Variants in SCN2A observed in about 807,000 individuals in gnomAD.
SCN2A encodes the protein sodium channel protein type 2 subunit alpha.
In SCN2A, 20 loss-of-function variants were observed where a neutral mutation model predicts 188.7. The ratio of observed to expected loss-of-function variants is 0.11; its 90% CI spans 0.07 to 0.15. The LOEUF is 0.15. Among genes scored for constraint, SCN2A ranks in the 10% least tolerant of loss-of-function variants. The pLI is 1.00. For missense variants in SCN2A, 1,278 were observed against 2,445.0 expected (o/e 0.52, Z 10.07); for synonymous variants, 804 against 833.1 (o/e 0.97, Z 0.60).
At chr2:165,339,380 C>A (rs970978498) in intron 14 of SCN2A, among the ~76,000 whole-genome samples, 1 of 151,650 alleles carries the variant, frequency 6.6e-6, no homozygotes, top group Non-Finnish European at 1.5e-5. Context: ...TTTTATTTGA[C>A]CTTGCACTGG....
rs139507841 is a variant in SCN2A, at chr2:165,373,329, C to A, written c.3954C>A (p.Ser1318=). 6.1e-5 allele frequency: 99 copies of A among 1,613,032 alleles called. 1 individual carries two copies. Among genetic ancestry groups the A allele is most frequent in the Non-Finnish European group, 8.1e-5 (96 of 1,179,412 alleles). Reference sequence around the variant, plus strand: ...CTCTGAGGCCACTGAGAGCTTTGTCCCGGTTTGAAGGAATGAGGGTAAGAC... The same window carrying A: ...CTCTGAGGCCACTGAGAGCTTTGTCACGGTTTGAAGGAATGAGGGTAAGAC... The part of the protein sequence containing the change: ...LRALRPLRAL[S]RFEGMRVVVN... The change falls in exon 21 of 27, where the codon TCC becomes TCA. Residue 1318 remains serine (S), a synonymous_variant. Coordinates refer to ENST00000375437, the MANE Select transcript of SCN2A (RefSeq NM_001040142.2).
intron 11 of SCN2A, among the ~76,000 whole-genome samples, chr2:165,319,632 C>A (rs1574582625): frequency 6.6e-6 from 1 of 152,032 alleles, no homozygotes; most frequent in African/African-American, 2.4e-5. Flanking sequence ...TGGCAGAAAG[C>A]AAAGAGGAGC....
chr2:165,373,159 GC>G (rs1701133122), intron 20 of SCN2A, 65 bp from the exon 21 acceptor site: 1 of 1,552,468 alleles, frequency 6.4e-7, no homozygotes, highest in Admixed American at 1.7e-5. Context: ...ATTGCATAGA[GC>G]AAGGCTGAAC....
At chr2:165,381,260 A>G in intron 25 of SCN2A, 63 bp downstream of exon 25, 2 of 1,196,300 alleles carry the variant, frequency 1.7e-6, no homozygotes, top group Non-Finnish European at 2.4e-6. Context: ...CACAGCCCGA[A>G]TTTCTAGAAA....
chr2:165,350,331 A>T (rs942395505), intron 16 of SCN2A, among the ~76,000 whole-genome samples: 60 of 152,220 alleles, frequency 3.9e-4, no homozygotes, highest in Non-Finnish European at 8.2e-4. Context: ...AATGGAAATT[A>T]TGGTAACATT....
intron 3 of SCN2A, among the ~76,000 whole-genome samples, chr2:165,300,980 A>G (rs899606896): frequency 6.6e-5 from 10 of 152,184 alleles, no homozygotes; most frequent in African/African-American, 2.2e-4. Flanking sequence ...TGGTGGAAAC[A>G]ATGAGGATGG....
Position 165,275,553 on chromosome 2 carries a change from T to C in SCN2A, c.-51-20220T>C, listed in dbSNP as rs1378429947. Among the ~76,000 whole-genome samples the C allele has an allele frequency of 7.2e-5, 11 of 152,290 alleles. No homozygotes were observed. In the East Asian group the frequency reaches 2.1e-3, roughly 29 times the overall value. On this transcript the variant is annotated intron_variant, in intron 1 of 26. Coordinates refer to ENST00000375437, the MANE Select transcript of SCN2A (RefSeq NM_001040142.2). ...CATCTGGAAGAAGACTGGCCCTTAG[T>C]AGACATTTCAAAATTTTTGTTAAAT...
chr2:165,336,490 A>G (rs1034318119), intron 14 of SCN2A, among the ~76,000 whole-genome samples: 3 of 151,970 alleles, frequency 2.0e-5, no homozygotes, highest in Non-Finnish European at 4.4e-5. Context: ...CAAAATTTAC[A>G]TATCATATTG....
At chr2:165,312,832 TGA>T (rs1697515377) in intron 8 of SCN2A, among the ~76,000 whole-genome samples, 2 of 152,180 alleles carry the variant, frequency 1.3e-5, no homozygotes, top group Admixed American at 6.6e-5. Flanking sequence ...CTTTGGACGA[TGA>T]TACTGTGGAC....
chr2:165,307,185 CT>C (rs1338383721), intron 3 of SCN2A, among the ~76,000 whole-genome samples: 4 of 152,104 alleles, frequency 2.6e-5, no homozygotes, highest in Non-Finnish European at 5.9e-5. Flanking sequence ...TTGAAGGAGA[CT>C]TACATATTTT....
chr2:165,326,416 T>C (rs1255566857), intron 12 of SCN2A, among the ~76,000 whole-genome samples: 1 of 152,230 alleles, frequency 6.6e-6, no homozygotes, highest in African/African-American at 2.4e-5. Context: ...GAACTGTTAC[T>C]GATGCATATG....
At chr2:165,375,194 A>C (rs1368479766) in intron 22 of SCN2A, among the ~76,000 whole-genome samples, 1 of 152,072 alleles carries the variant, frequency 6.6e-6, no homozygotes, top group Non-Finnish European at 1.5e-5. Flanking sequence ...CAAAAAACTA[A>C]AAATAGAACC....
chr2:165,331,400 C>T lies in SCN2A; in HGVS notation c.2220C>T (p.Asp740=). 1.2e-6 allele frequency: 2 copies of T among 1,613,738 alleles called. No individual in the cohort carries two copies. Among genetic ancestry groups the T allele is most frequent in the Non-Finnish European group, 1.7e-6 (2 of 1,179,764 alleles). Residue 740 remains aspartate (D), a synonymous_variant, in exon 14 of 27, where the codon GAC becomes GAT. Coordinates refer to ENST00000375437, the MANE Select transcript of SCN2A (RefSeq NM_001040142.2). ...YKFANMCLIW[D]CCKPWLKVKH... Reference sequence around the variant, plus strand: ...TTGCTAATATGTGTTTGATTTGGGACTGTTGTAAACCATGGTTAAAGGTGA... The same window carrying T: ...TTGCTAATATGTGTTTGATTTGGGATTGTTGTAAACCATGGTTAAAGGTGA...
At chr2:165,310,253 A>G in intron 6 of SCN2A, 70 bp from the exon 7 acceptor site, 5 of 1,481,286 alleles carry the variant, frequency 3.4e-6, no homozygotes, top group Non-Finnish European at 4.7e-6. Flanking sequence ...GGACAAGCTC[A>G]TGATATTTTT....
chr2:165,378,367 G>A (rs541837845), intron 23 of SCN2A, among the ~76,000 whole-genome samples: 1 of 151,220 alleles, frequency 6.6e-6, no homozygotes, highest in East Asian at 1.9e-4. Context: ...AAACAGAGAG[G>A]GAGCAAGAAA....
intron 11 of SCN2A, among the ~76,000 whole-genome samples, chr2:165,322,585 T>A (rs750591453): frequency 2.6e-5 from 4 of 152,196 alleles, no homozygotes; most frequent in Non-Finnish European, 4.4e-5. Flanking sequence ...AATTTATTCA[T>A]GAAGACCATC....
intron 21 of SCN2A, 130 bp downstream of exon 21, chr2:165,373,477 A>G (rs896787870): frequency 5.7e-5 from 59 of 1,036,722 alleles, no homozygotes; most frequent in Non-Finnish European, 7.9e-5. Context: ...TAATCAATCA[A>G]AAATAATATT....
At chr2:165,387,052 A>G (rs1701912092) in intron 26 of SCN2A, 36 bp downstream of exon 26, 1 of 1,598,776 alleles carries the variant, frequency 6.3e-7, no homozygotes, top group African/African-American at 1.3e-5. Context: ...TAAGGAATAT[A>G]GTGGTAAAAA....
chr2:165,355,013 T>C (rs1483941024), intron 17 of SCN2A, among the ~76,000 whole-genome samples: 4 of 152,230 alleles, frequency 2.6e-5, no homozygotes, highest in African/African-American at 9.6e-5. Context: ...ACAGTGTTTT[T>C]TGTACGTACT....
Sources: allele counts gnomAD v4.1 joint callset (sites outside exome capture counted in the v4.1 genomes callset), GRCh38; gene constraint gnomAD v4.1.1; transcripts MANE v1.5; gene names NCBI Gene and HGNC (gene_info 2026-07-23, HGNC 2026-07-21).